The following CNTN5 variants were observed in gnomAD, a reference collection of about 807,000 sequenced individuals.
CNTN5 encodes the protein contactin-5.
A neutral mutation model predicts 129.1 loss-of-function variants in CNTN5; 77 were observed. The ratio of observed to expected loss-of-function variants is 0.60; its 90% CI spans 0.50 to 0.72. CNTN5 has a LOEUF of 0.72. Ranked by LOEUF, CNTN5 falls within the 30% of genes least tolerant of loss-of-function variation. The pLI, the probability that CNTN5 is intolerant of heterozygous loss-of-function variation, is 0.00. For missense variants in CNTN5, 1,478 were observed against 1,328.8 expected, an observed-to-expected ratio of 1.11 and a Z score of -1.75; for synonymous variants, 509 against 465.6, an observed-to-expected ratio of 1.09 and a Z score of -1.20.
chr11:99,414,811 G>A (rs943371466), intron 2 of CNTN5, among the ~76,000 whole-genome samples: 5 of 152,254 alleles, frequency 3.3e-5, no homozygotes, highest in Admixed American at 6.5e-5. Flanking sequence ...TGTGTCTGTC[G>A]TGAGTGACAG....
chr11:100,085,978 C>G (rs968280789), intron 13 of CNTN5, among the ~76,000 whole-genome samples: 18 of 151,812 alleles, frequency 1.2e-4, no homozygotes, highest in Non-Finnish European at 2.4e-4. Flanking sequence ...TCAGAATTTG[C>G]AAAAATAGTT....
chr11:99,898,082 A>C (rs1177230445), intron 6 of CNTN5, among the ~76,000 whole-genome samples: 1 of 152,114 alleles, frequency 6.6e-6, no homozygotes, highest in East Asian at 1.9e-4. Flanking sequence ...GGCATTGCTA[A>C]GAGGAAATTT....
At chr11:99,503,198 T>C (rs931200021) in intron 2 of CNTN5, among the ~76,000 whole-genome samples, 3 of 152,206 alleles carry the variant, frequency 2.0e-5, no homozygotes, top group Admixed American at 6.5e-5. Context: ...TTCCCTTCAC[T>C]TCCTTAATGT....
At chr11:99,239,794 G>A (rs914416619) in intron 1 of CNTN5, among the ~76,000 whole-genome samples, 9 of 152,178 alleles carry the variant, frequency 5.9e-5, no homozygotes, top group East Asian at 5.8e-4. Context: ...AAATTTAGCC[G>A]GGCGTGGTGG....
intron 1 of CNTN5, among the ~76,000 whole-genome samples, chr11:99,180,160 C>T (rs1857978346): frequency 6.6e-6 from 1 of 151,928 alleles, no homozygotes; most frequent in South Asian, 2.1e-4. Context: ...ATGTAATGAG[C>T]AAATGATATA....
chr11:100,337,007 C>A (rs1390430103), intron 21 of CNTN5: 1 of 832,162 alleles, frequency 1.2e-6, no homozygotes, highest in Non-Finnish European at 2.1e-6. Context: ...CCACACACAT[C>A]TCAGCTGCTT....
chr11:99,970,421 T>G (rs961026288), intron 8 of CNTN5, among the ~76,000 whole-genome samples: 2 of 152,216 alleles, frequency 1.3e-5, no homozygotes, highest in Admixed American at 1.3e-4. Flanking sequence ...TTAAAATACA[T>G]TGGTCACAAA....
At chr11:100,177,299 C>T (rs1947995608) in intron 13 of CNTN5, among the ~76,000 whole-genome samples, 1 of 152,060 alleles carries the variant, frequency 6.6e-6, no homozygotes, top group Non-Finnish European at 1.5e-5. Context: ...GCTCACAGCA[C>T]CCCTGCTGTG....
intron 17 of CNTN5, among the ~76,000 whole-genome samples, chr11:100,268,188 T>C (rs1476105497): frequency 3.9e-5 from 6 of 152,100 alleles, no homozygotes; most frequent in Admixed American, 2.0e-4. Context: ...TTGAGACACA[T>C]TAAGTTGATG....
chr11:99,700,497 A>G (rs954350560), intron 3 of CNTN5, among the ~76,000 whole-genome samples: 3 of 151,404 alleles, frequency 2.0e-5, no homozygotes, highest in Admixed American at 6.6e-5. Flanking sequence ...ATTTTGTTCA[A>G]TGTCTCCATT....
chr11:99,653,882 T>C (rs1166781589), intron 3 of CNTN5, among the ~76,000 whole-genome samples: 1 of 151,962 alleles, frequency 6.6e-6, no homozygotes, highest in Non-Finnish European at 1.5e-5. Flanking sequence ...CAATGGATTG[T>C]TAGGCAGCTT....
intron 3 of CNTN5, among the ~76,000 whole-genome samples, chr11:99,556,697 C>T (rs537307823): frequency 3.4e-5 from 5 of 149,242 alleles, no homozygotes; most frequent in Admixed American, 2.0e-4. Flanking sequence ...AAAAGTGTCT[C>T]ATCACAATGC....
At chr11:100,148,922 A>G (rs1946950733) in intron 13 of CNTN5, among the ~76,000 whole-genome samples, 3 of 152,228 alleles carry the variant, frequency 2.0e-5, no homozygotes, top group African/African-American at 4.8e-5. Flanking sequence ...TAATGAAAAA[A>G]TTAAGTACTG....
intron 3 of CNTN5, among the ~76,000 whole-genome samples, chr11:99,762,871 T>A (rs1349583006): frequency 6.6e-6 from 1 of 152,180 alleles, no homozygotes; most frequent in African/African-American, 2.4e-5. Context: ...TTCCACATCC[T>A]TAAGATTCTT....
chr11:99,390,398 T>C (rs1171845004), intron 2 of CNTN5, among the ~76,000 whole-genome samples: 1 of 152,032 alleles, frequency 6.6e-6, no homozygotes, highest in Non-Finnish European at 1.5e-5. Flanking sequence ...GAAAAACCTT[T>C]CTCTTTAAAA....
chr11:100,320,689 T>C (rs1043098777), intron 21 of CNTN5, among the ~76,000 whole-genome samples: 5 of 152,202 alleles, frequency 3.3e-5, no homozygotes, highest in Non-Finnish European at 7.4e-5. Context: ...TACAGTTTTA[T>C]ATCTTATGTT....
chr11:99,082,175 T>G (rs1865829516), intron 1 of CNTN5, among the ~76,000 whole-genome samples: 1 of 150,470 alleles, frequency 6.6e-6, no homozygotes. Flanking sequence ...TAACCGCCAG[T>G]GTTCTCCAAA....
intron 1 of CNTN5, among the ~76,000 whole-genome samples, chr11:99,076,575 A>T (rs1160687999): frequency 6.6e-6 from 1 of 152,192 alleles, no homozygotes; most frequent in Admixed American, 6.5e-5. Flanking sequence ...TTAATATTAA[A>T]AGATAAAAAG....
At chr11:99,645,262 C>CA (rs71050011) in intron 3 of CNTN5, among the ~76,000 whole-genome samples, 3,324 of 47,486 alleles carry the variant, frequency 0.07, 405 homozygotes, top group African/African-American at 0.21. Flanking sequence ...TCCATCTCAA[C>CA]AAAAAAAAAA....
Sources: gnomAD v4.1 joint callset for allele counts (sites outside exome capture counted in the v4.1 genomes callset) on GRCh38, gnomAD v4.1.1 for gene constraint, MANE v1.5 for transcripts, NCBI Gene and HGNC (gene_info 2026-07-23, HGNC 2026-07-21) for gene names.